The following ZMAT4 variants were observed in gnomAD, a reference collection of about 807,000 sequenced individuals.
The protein encoded by ZMAT4 is zinc finger matrin-type protein 4.
In ZMAT4, 17 loss-of-function variants were observed where a neutral mutation model predicts 28.7. The ratio of observed to expected loss-of-function variants is 0.59; its 90% confidence interval spans 0.41 to 0.89. ZMAT4 has a LOEUF of 0.89. Ranked by LOEUF, ZMAT4 falls within the 40% of genes least tolerant of loss-of-function variation. The probability of loss-of-function intolerance (pLI) is 0.00; values close to 1 mark genes in which losing one functional copy is unlikely to be tolerated. For missense variants in ZMAT4, 240 were observed against 283.8 expected, an observed-to-expected ratio of 0.85 and a Z score of 1.11; for synonymous variants, 117 against 109.2, an observed-to-expected ratio of 1.07 and a Z score of -0.44.
intron 3 of ZMAT4, among the ~76,000 whole-genome samples, chr8:40,710,789 C>CTT (rs35923770): frequency 0.44 from 65,782 of 148,922 alleles, 14,772 homozygotes; most frequent in East Asian, 0.61. Flanking sequence ...CAAGACTTTT[C>CTT]TTTTTTTTTT....
rs569666841 is a variant in ZMAT4 at position 40,635,687 on chromosome 8, C to T, written c.577+39017G>A. Among the ~76,000 whole-genome samples, 15 of 152,282 alleles carry T rather than the reference C, an allele frequency of 9.9e-5. No individual in the cohort carries two copies. In the South Asian group the frequency reaches 3.1e-3, roughly 32 times the overall value. ...TAGAAGTCCGAGGTTTGAATTGCTGCTTTTTAATTTATTAATTCTGCACCT... is the reference window on the plus strand; with the variant it reads ...TAGAAGTCCGAGGTTTGAATTGCTGTTTTTTAATTTATTAATTCTGCACCT... On this transcript the variant is annotated intron_variant, in intron 5 of 6. Transcript: ENST00000297737.
At position 40,808,161 on chromosome 8, in the gene ZMAT4, C is replaced by T. The variant is rs532137609; in HGVS notation, c.102+17414G>A. On this transcript the variant is annotated intron_variant, in intron 2 of 6. Coordinates refer to ENST00000297737, the MANE Select transcript of ZMAT4 (RefSeq NM_024645.3). ...AATTATATAGATTGAAAAGCAGACACGAGGCAATAACAGCCCACAGGGCAG... is the reference window on the plus strand; with the variant it reads ...AATTATATAGATTGAAAAGCAGACATGAGGCAATAACAGCCCACAGGGCAG... 1.3e-4 allele frequency among the ~76,000 whole-genome samples: 20 copies of T among 152,180 alleles called. No homozygotes were observed. The South Asian group carries it at 2.3e-3, about 17-fold the overall frequency.
intron 2 of ZMAT4, among the ~76,000 whole-genome samples, chr8:40,778,573 T>A (rs2150570049): frequency 6.6e-6 from 1 of 151,842 alleles, no homozygotes; most frequent in African/African-American, 2.4e-5. Flanking sequence ...CAGAAATTTT[T>A]TCTTTTGAAT....
intron 1 of ZMAT4, among the ~76,000 whole-genome samples, chr8:40,838,872 G>A (rs1381246573): frequency 6.6e-6 from 1 of 152,164 alleles, no homozygotes; most frequent in African/African-American, 2.4e-5. Context: ...GTGGCTTAGA[G>A]AGAATGAGGT....
intron 1 of ZMAT4, among the ~76,000 whole-genome samples, chr8:40,880,606 A>C (rs1196252330): frequency 6.6e-6 from 1 of 152,112 alleles, no homozygotes; most frequent in Non-Finnish European, 1.5e-5. Flanking sequence ...CTTCACCACA[A>C]AATGCCTATG....
chr8:40,614,627 T>C (rs1213615880), intron 5 of ZMAT4, among the ~76,000 whole-genome samples: 3 of 152,254 alleles, frequency 2.0e-5, no homozygotes, highest in African/African-American at 4.8e-5. Flanking sequence ...GGTGCATATA[T>C]ATTTAGGATA....
intron 4 of ZMAT4, among the ~76,000 whole-genome samples, chr8:40,693,715 T>A (rs1809755389): frequency 6.6e-6 from 1 of 152,208 alleles, no homozygotes. Flanking sequence ...AGACAATATG[T>A]AAATGAATGA....
intron 5 of ZMAT4, among the ~76,000 whole-genome samples, chr8:40,585,083 A>T (rs1343404707): frequency 6.6e-5 from 10 of 152,008 alleles, no homozygotes; most frequent in South Asian, 2.1e-4. Flanking sequence ...TTTCAGAGAG[A>T]CCTCTTTGAA....
intron 5 of ZMAT4, among the ~76,000 whole-genome samples, chr8:40,649,105 C>T (rs945191453): frequency 7.4e-6 from 1 of 134,306 alleles, no homozygotes; most frequent in African/African-American, 2.6e-5. Flanking sequence ...GGACTAAATG[C>T]TCCAATTAAA....
At chr8:40,805,977 G>T (rs904691679) in intron 2 of ZMAT4, among the ~76,000 whole-genome samples, 24 of 149,964 alleles carry the variant, frequency 1.6e-4, no homozygotes, top group Non-Finnish European at 4.4e-5. Context: ...AATTCTCAAA[G>T]ATCTGATGAA....
chr8:40,546,957 T>TCACG (rs1803222065), intron 6 of ZMAT4, among the ~76,000 whole-genome samples: 1 of 151,924 alleles, frequency 6.6e-6, no homozygotes, highest in Non-Finnish European at 1.5e-5. Context: ...ACACACACAC[T>TCACG]CACGCACACA....
At chr8:40,652,929 G>C (rs563811906) in intron 5 of ZMAT4, among the ~76,000 whole-genome samples, 11 of 131,882 alleles carry the variant, frequency 8.3e-5, no homozygotes, top group Admixed American at 7.5e-4. Context: ...TCTGGGGACC[G>C]TTGTGGGGTG....
At chr8:40,713,920 C>CAAAAAA (rs1810732938) in intron 3 of ZMAT4, among the ~76,000 whole-genome samples, 3 of 55,274 alleles carry the variant, frequency 5.4e-5, no homozygotes, top group East Asian at 4.1e-4. Flanking sequence ...AAAAACAAAA[C>CAAAAAA]CAAAAAAAAA....
chr8:40,601,161 G>T (rs921198360), intron 5 of ZMAT4, among the ~76,000 whole-genome samples: 2 of 151,928 alleles, frequency 1.3e-5, no homozygotes, highest in East Asian at 3.9e-4. Context: ...TGGAGACCAG[G>T]TGACTCCTGG....
chr8:40,884,507 CT>C (rs1818389128), intron 1 of ZMAT4: 2 of 152,190 alleles, frequency 1.3e-5, no homozygotes, highest in South Asian at 4.2e-4. Context: ...TCTCCTTGAA[CT>C]CACTCCAAAG....
rs183617344 is a variant in ZMAT4 at position 40,578,531 on chromosome 8, A to G, written c.674+2634T>C. On this transcript the variant is annotated intron_variant, in intron 6 of 6. Coordinates refer to ENST00000297737, the MANE Select transcript of ZMAT4 (RefSeq NM_024645.3). Reference sequence around the variant, plus strand: ...TAAAAATTAGACACTTCTACAACTTACTAAAAAAAAATTGATTTTTATAAA... The same window carrying G: ...TAAAAATTAGACACTTCTACAACTTGCTAAAAAAAAATTGATTTTTATAAA... 2.0e-3 allele frequency among the ~76,000 whole-genome samples: 303 copies of G among 152,260 alleles called. 1 individual carries two copies. The highest frequency in any genetic ancestry group is 6.5e-3 in the African/African-American group (269 of 41,554).
chr8:40,828,185 T>A (rs1400995622), intron 1 of ZMAT4, among the ~76,000 whole-genome samples: 1 of 152,182 alleles, frequency 6.6e-6, no homozygotes, highest in East Asian at 1.9e-4. Flanking sequence ...AGAATGTAAA[T>A]GAAGAAAAGA....
At chr8:40,743,332 G>C (rs911039429) in intron 3 of ZMAT4, among the ~76,000 whole-genome samples, 3 of 152,088 alleles carry the variant, frequency 2.0e-5, no homozygotes, top group African/African-American at 7.2e-5. Flanking sequence ...AGCTGAACAG[G>C]GAGCTTCCTT....
At chr8:40,573,803 G>C (rs1311261697) in intron 6 of ZMAT4, among the ~76,000 whole-genome samples, 2 of 152,140 alleles carry the variant, frequency 1.3e-5, no homozygotes, top group East Asian at 1.9e-4. Flanking sequence ...TTGTGTTCTT[G>C]TCATCACTAA....
Sources: allele counts gnomAD v4.1 joint callset (sites outside exome capture counted in the v4.1 genomes callset), GRCh38; gene constraint gnomAD v4.1.1; transcripts MANE v1.5; gene names NCBI Gene and HGNC (gene_info 2026-07-23, HGNC 2026-07-21).